The following DLG2 variants were observed in gnomAD, a reference collection of about 807,000 sequenced individuals.
DLG2 encodes the protein disks large homolog 2.
A neutral mutation model predicts 132.5 loss-of-function variants in DLG2; 45 were observed. The ratio of observed to expected loss-of-function variants is 0.34; its 90% CI spans 0.27 to 0.44. DLG2 has a LOEUF of 0.44. DLG2 is among the 20% of genes least tolerant of loss of function. The pLI is 1.00. For synonymous variants in DLG2, 424 were observed against 419.6 expected (o/e 1.01, Z -0.13); for missense variants, 1,045 against 1,196.9 (o/e 0.87, Z 1.87).
intron 6 of DLG2, among the ~76,000 whole-genome samples, chr11:84,938,762 C>G (rs1159341455): frequency 2.6e-5 from 4 of 152,120 alleles, no homozygotes; most frequent in African/African-American, 9.7e-5. Flanking sequence ...CCAGGGGTGT[C>G]TAACTGTGAG....
intron 7 of DLG2, among the ~76,000 whole-genome samples, chr11:84,427,879 GC>G (rs2154471645): frequency 6.6e-6 from 1 of 152,308 alleles, no homozygotes; most frequent in African/African-American, 2.4e-5. Context: ...AAAGTTACCA[GC>G]CCTTCTGATA....
intron 3 of DLG2, among the ~76,000 whole-genome samples, chr11:85,566,285 T>C (rs568101630): frequency 1.3e-5 from 2 of 152,248 alleles, no homozygotes; most frequent in African/African-American, 2.4e-5. Context: ...TTTTCTCCCA[T>C]TGTGTGGGCT....
At chr11:84,286,249 T>C (rs968425421) in intron 7 of DLG2, among the ~76,000 whole-genome samples, 1 of 152,168 alleles carries the variant, frequency 6.6e-6, no homozygotes, top group African/African-American at 2.4e-5. Context: ...GCTCAGACTT[T>C]ACAGTGGCTT....
intron 7 of DLG2, among the ~76,000 whole-genome samples, chr11:84,519,675 C>T (rs757668235): frequency 3.7e-4 from 56 of 152,088 alleles, no homozygotes; most frequent in Non-Finnish European, 5.4e-4. Flanking sequence ...GATTGGGAGG[C>T]CTCCTCCTAT....
At chr11:84,244,735 T>C (rs1166551109) in intron 8 of DLG2, among the ~76,000 whole-genome samples, 1 of 152,220 alleles carries the variant, frequency 6.6e-6, no homozygotes, top group Non-Finnish European at 1.5e-5. Flanking sequence ...ACAATGTCCA[T>C]GGGAAAAACC....
At chr11:85,041,778 G>A (rs1240565919) in intron 6 of DLG2, among the ~76,000 whole-genome samples, 1 of 151,906 alleles carries the variant, frequency 6.6e-6, no homozygotes, top group Non-Finnish European at 1.5e-5. Flanking sequence ...CGATAGGGAA[G>A]AGAAAGGAAG....
At chr11:84,965,234 G>T (rs2053153632) in intron 6 of DLG2, among the ~76,000 whole-genome samples, 1 of 152,040 alleles carries the variant, frequency 6.6e-6, no homozygotes, top group Non-Finnish European at 1.5e-5. Flanking sequence ...TGTGTTCAGT[G>T]AGACCTAAGG....
intron 8 of DLG2, among the ~76,000 whole-genome samples, chr11:84,170,990 AC>A (rs2095806873): frequency 6.6e-6 from 1 of 151,976 alleles, no homozygotes; most frequent in Non-Finnish European, 1.5e-5. Context: ...CTTCTCTTTA[AC>A]CTATAAAAGG....
intron 4 of DLG2, among the ~76,000 whole-genome samples, chr11:85,235,271 G>A (rs2075523116): frequency 6.6e-6 from 1 of 151,932 alleles, no homozygotes; most frequent in African/African-American, 2.4e-5. Context: ...CTTCTCAAAT[G>A]TACCTATCAA....
At chr11:84,157,843 C>A (rs947628368) in intron 9 of DLG2, among the ~76,000 whole-genome samples, 3 of 152,190 alleles carry the variant, frequency 2.0e-5, no homozygotes, top group Non-Finnish European at 4.4e-5. Flanking sequence ...GAAGTTCACT[C>A]TGTGTGGCAA....
chr11:83,889,982 G>C (rs11233785), intron 15 of DLG2, among the ~76,000 whole-genome samples: 12,787 of 112,998 alleles, frequency 0.11, 772 homozygotes, highest in Middle Eastern at 0.28. Context: ...AGGGGGGAGG[G>C]ATAGCTTTCG....
intron 6 of DLG2, among the ~76,000 whole-genome samples, chr11:84,541,169 A>G (rs969323129): frequency 6.7e-6 from 1 of 149,804 alleles, no homozygotes; most frequent in Non-Finnish European, 1.5e-5. Flanking sequence ...GTGCACATGT[A>G]CCCTAGAACT....
At chr11:84,326,128 CT>C (rs1302648109) in intron 7 of DLG2, among the ~76,000 whole-genome samples, 4 of 151,748 alleles carry the variant, frequency 2.6e-5, no homozygotes, top group Admixed American at 6.6e-5. Flanking sequence ...TGAGCCTTCT[CT>C]TTTTTTATTG....
At chr11:84,811,755 A>G (rs1324819347) in intron 6 of DLG2, among the ~76,000 whole-genome samples, 1 of 152,204 alleles carries the variant, frequency 6.6e-6, no homozygotes, top group Non-Finnish European at 1.5e-5. Context: ...CTACTCTGTG[A>G]TAGAAACTAT....
intron 18 of DLG2, 85 bp downstream of exon 18, chr11:83,786,605 T>C (rs906566740): frequency 7.4e-6 from 9 of 1,209,332 alleles, no homozygotes; most frequent in South Asian, 1.3e-5. Flanking sequence ...TGATGGTGAC[T>C]CTAGTTAATA....
Position 84,718,904 on chromosome 11 carries a change from T to C in DLG2, c.358-184173A>G, listed in dbSNP as rs188087613. Among the ~76,000 whole-genome samples the C allele has an allele frequency of 3.3e-4, 50 of 152,320 alleles. No individual in the cohort carries two copies. In the East Asian group the frequency reaches 7.9e-3, roughly 24 times the overall value. On this transcript the variant is annotated intron_variant, in intron 6 of 27. Transcript: ENST00000376104. ...AAAGGAACAACAAGCTACTCTTTAG[T>C]ATGGGCAATATATTTTTTAACCAAC...
Position 83,541,684 on chromosome 11 carries a change from C to A in DLG2, c.2115G>T (p.Arg705Ser). ...TCTAGTACAAAAGGCATTCTTACCT[C>A]CTTTTGCTGGGGATGACCCCCATCT... The part of the protein sequence containing the change: ...SEEMGVIPSK[R>S]RVERKERARL... The change falls in exon 20 of 28, where the codon AGG becomes AGT. Residue 705 changes from arginine to serine, a missense_variant and splice_region_variant. Arg to Ser is a moderately radical substitution (Grantham distance 110). Coordinates refer to ENST00000376104, the MANE Select transcript of DLG2 (RefSeq NM_001142699.3). 6.3e-7 allele frequency: 1 copy of A among 1,599,696 alleles called. No homozygotes were observed. Among genetic ancestry groups the A allele is most frequent in the South Asian group, 1.1e-5 (1 of 88,968 alleles).
At chr11:84,050,153 CT>C (rs59128434) in intron 11 of DLG2, among the ~76,000 whole-genome samples, 15,236 of 141,030 alleles carry the variant, frequency 0.11, 915 homozygotes, top group Middle Eastern at 0.2. Context: ...CTACTGGAGA[CT>C]TTTTTTTTTT....
At chr11:84,373,126 T>A (rs552094232) in intron 7 of DLG2, among the ~76,000 whole-genome samples, 1 of 151,530 alleles carries the variant, frequency 6.6e-6, no homozygotes, top group South Asian at 2.1e-4. Flanking sequence ...AAATGTGAAC[T>A]TTTTTCAGTT....
Sources: allele counts gnomAD v4.1 joint callset (sites outside exome capture counted in the v4.1 genomes callset), GRCh38; gene constraint gnomAD v4.1.1; transcripts MANE v1.5; gene names NCBI Gene and HGNC (gene_info 2026-07-23, HGNC 2026-07-21).